Variants in DLC1 observed in about 807,000 individuals in gnomAD.
DLC1 encodes the protein rho GTPase-activating protein 7.
A neutral mutation model predicts 140.3 loss-of-function variants in DLC1; 54 were observed. The ratio of observed to expected loss-of-function variants is 0.38; its 90% CI spans 0.31 to 0.48. DLC1 has a LOEUF of 0.48. Ranked by LOEUF, DLC1 falls within the 20% of genes least tolerant of loss-of-function variation. The pLI is 0.96. For synonymous variants in DLC1, 986 were observed against 728.1 expected (o/e 1.35, Z -5.70); for missense variants, 2,536 against 1,907.0 (o/e 1.33, Z -6.14).
At chr8:13,205,370 A>G (rs1827609355) in intron 5 of DLC1, among the ~76,000 whole-genome samples, 1 of 152,244 alleles carries the variant, frequency 6.6e-6, no homozygotes, top group Admixed American at 6.5e-5. Flanking sequence ...AAGTGGATTA[A>G]TGCTGATTCC....
chr8:13,299,054 T>A (rs1488665702), intron 5 of DLC1, among the ~76,000 whole-genome samples: 2 of 152,054 alleles, frequency 1.3e-5, no homozygotes, highest in African/African-American at 4.8e-5. Flanking sequence ...TAAAATGCAG[T>A]GTTACTTTTC....
At chr8:13,251,918 C>G (rs1387749917) in intron 5 of DLC1, among the ~76,000 whole-genome samples, 2 of 152,072 alleles carry the variant, frequency 1.3e-5, no homozygotes, top group African/African-American at 2.4e-5. Flanking sequence ...AAAATAATTT[C>G]TTAATAATAT....
chr8:13,384,320 C>T (rs1836411984), intron 4 of DLC1, among the ~76,000 whole-genome samples: 1 of 139,224 alleles, frequency 7.2e-6, no homozygotes, highest in Admixed American at 7.0e-5. Flanking sequence ...CCACAATCTT[C>T]CCTCGATGCA....
intron 2 of DLC1, among the ~76,000 whole-genome samples, chr8:13,490,152 G>T (rs1318367659): frequency 6.6e-6 from 1 of 152,066 alleles, no homozygotes; most frequent in African/African-American, 2.4e-5. Flanking sequence ...ACCAAATAAT[G>T]ATGCTATTTC....
chr8:13,189,667 G>C (rs185594423), intron 5 of DLC1, among the ~76,000 whole-genome samples: 69 of 152,308 alleles, frequency 4.5e-4, no homozygotes, highest in African/African-American at 1.2e-3. Context: ...TGGGTCACCT[G>C]AGGTTAGGAG....
intron 5 of DLC1, among the ~76,000 whole-genome samples, chr8:13,203,962 GCA>G (rs1165688327): frequency 6.6e-6 from 1 of 152,116 alleles, no homozygotes; most frequent in African/African-American, 2.4e-5. Flanking sequence ...GACAAGCCAT[GCA>G]CAGACTTCAT....
rs1206194414 is a variant in DLC1 at position 13,099,673 on chromosome 8, G to A, written c.2664C>T (p.Tyr888=). 1 of 1,614,096 alleles carries A rather than the reference G, an allele frequency of 6.2e-7. No homozygotes were observed. The highest frequency in any genetic ancestry group is 1.1e-5 in the South Asian group (1 of 91,082). ...GATCCGCCAGGTCCCCTGAACTGGA[G>A]TAGAGGATGGAGCCCGGCACGTTGT... The part of the protein sequence containing the change: ...IYDNVPGSIL[Y]SSSGDLADLE... Residue 888 remains tyrosine, a synonymous_variant, in exon 9 of 18, where the codon TAC becomes TAT. Coordinates refer to ENST00000276297, the MANE Select transcript of DLC1 (RefSeq NM_182643.3).
chr8:13,318,024 A>T (rs1165960959), intron 4 of DLC1, among the ~76,000 whole-genome samples: 2 of 151,970 alleles, frequency 1.3e-5, no homozygotes, highest in African/African-American at 4.8e-5. Context: ...TTTTTAAATT[A>T]AATTAGGTTT....
At position 13,552,884 on chromosome 8, in the gene DLC1, G is replaced by A. The variant is rs1332286424; in HGVS notation, c.-126+51653C>T. ...ACATAAACTAAATCTTTTCTAGAGAGCATTAATATGTATTTCACAATGAAG... is the reference window on the plus strand; with the variant it reads ...ACATAAACTAAATCTTTTCTAGAGAACATTAATATGTATTTCACAATGAAG... On this transcript the variant is annotated intron_variant, in intron 1 of 1. Coordinates refer to the DLC1 transcript ENST00000631382. 3.3e-5 allele frequency among the ~76,000 whole-genome samples: 5 copies of A among 151,794 alleles called. No individual in the cohort carries two copies. In the East Asian group the frequency reaches 7.8e-4, roughly 24 times the overall value.
intron 16 of DLC1, 111 bp downstream of exon 16, chr8:13,088,376 G>A: frequency 7.9e-7 from 1 of 1,273,144 alleles, no homozygotes. Context: ...GCCACCATAT[G>A]CCCGGCCTCT....
At chr8:13,431,044 A>G (rs979289100) in intron 2 of DLC1, among the ~76,000 whole-genome samples, 1 of 152,234 alleles carries the variant, frequency 6.6e-6, no homozygotes, top group Admixed American at 6.5e-5. Context: ...CAGTCAACTG[A>G]GGGTTTATTA....
intron 4 of DLC1, among the ~76,000 whole-genome samples, chr8:13,379,090 G>A (rs559724230): frequency 2.6e-5 from 4 of 152,268 alleles, no homozygotes; most frequent in African/African-American, 9.6e-5. Flanking sequence ...TATTTGGTTA[G>A]AAAAATTGCA....
rs1171742681 is a variant in DLC1 at position 13,201,556 on chromosome 8, A to AGT, written c.1349-85900_1349-85899insAC. Reference sequence around the variant, plus strand: ...AGAGAAGAAAAGCTCTTAATTTCTAATATATTAGAATAAAAGCCACAGTCA... The same window carrying AGT: ...AGAGAAGAAAAGCTCTTAATTTCTAAGTTATATTAGAATAAAAGCCACAGTCA... On this transcript the variant is annotated intron_variant, in intron 5 of 17. Coordinates refer to ENST00000276297, the MANE Select transcript of DLC1 (RefSeq NM_182643.3). Among the ~76,000 whole-genome samples the AGT allele has an allele frequency of 2.6e-5, 4 of 152,238 alleles. No individual in the cohort carries two copies. In the East Asian group the frequency reaches 5.8e-4, roughly 22 times the overall value.
At chr8:13,433,231 T>C (rs188293412) in intron 2 of DLC1, among the ~76,000 whole-genome samples, 27 of 152,278 alleles carry the variant, frequency 1.8e-4, no homozygotes, top group Admixed American at 5.9e-4. Flanking sequence ...AGGAGTTTTT[T>C]GACCCATGAC....
chr8:13,178,603 A>T (rs1164424689), intron 5 of DLC1, among the ~76,000 whole-genome samples: 1 of 150,908 alleles, frequency 6.6e-6, no homozygotes, highest in Non-Finnish European at 1.5e-5. Context: ...TTACTGTTCT[A>T]TATTAACTTC....
chr8:13,217,362 T>G (rs1043914983), intron 5 of DLC1, among the ~76,000 whole-genome samples: 1 of 152,180 alleles, frequency 6.6e-6, no homozygotes, highest in African/African-American at 2.4e-5. Flanking sequence ...GAAGGATGTG[T>G]GTGGCATTCT....
At chr8:13,487,645 C>T (rs1347202282) in intron 2 of DLC1, among the ~76,000 whole-genome samples, 1 of 151,552 alleles carries the variant, frequency 6.6e-6, no homozygotes, top group Admixed American at 6.6e-5. Flanking sequence ...GTGAGTTCGG[C>T]TCACTGCAAC....
intron 5 of DLC1, among the ~76,000 whole-genome samples, chr8:13,190,734 G>C (rs1019997682): frequency 6.6e-6 from 1 of 152,168 alleles, no homozygotes; most frequent in African/African-American, 2.4e-5. Context: ...GGAGTGGAGG[G>C]AGAGGCGTGG....
intron 5 of DLC1, among the ~76,000 whole-genome samples, chr8:13,212,528 G>A (rs1405409324): frequency 6.6e-6 from 1 of 152,020 alleles, no homozygotes; most frequent in Admixed American, 6.6e-5. Context: ...TGGTTTATAC[G>A]GTTTTGGTAT....
Sources: allele counts gnomAD v4.1 joint callset (sites outside exome capture counted in the v4.1 genomes callset), GRCh38; gene constraint gnomAD v4.1.1; transcripts MANE v1.5; gene names NCBI Gene and HGNC (gene_info 2026-07-23, HGNC 2026-07-21).